OGG1: variants seen among roughly 807,000 people sequenced by gnomAD.
OGG1 encodes N-glycosylase/DNA lyase.
OGG1 carries 35 observed loss-of-function variants against 42.3 expected under a neutral mutation model. The observed-to-expected ratio is 0.83, with a 90% CI of 0.63 to 1.10. The LOEUF (loss-of-function observed/expected upper bound fraction) is 1.10, where lower values mean the gene tolerates loss of function less well. OGG1 is among the 50% of genes least tolerant of loss of function. The probability of loss-of-function intolerance (pLI) is 0.00; values close to 1 mark genes in which losing one functional copy is unlikely to be tolerated. For missense variants in OGG1, 484 were observed against 446.7 expected (o/e 1.08, Z -0.75); for synonymous variants, 189 against 179.0 (o/e 1.06, Z -0.44).
chr3:9,767,871 A>G (rs1489434950), downstream of OGG1: 2 of 1,459,424 alleles, frequency 1.4e-6, no homozygotes, highest in Admixed American at 4.7e-5. Context: ...TTCAACCTGC[A>G]TTTATTCATC....
intron 3 of OGG1, chr3:9,785,201 G>A: frequency 1.4e-6 from 1 of 720,708 alleles, no homozygotes; most frequent in Non-Finnish European, 2.4e-6. Context: ...ACTGCTATTA[G>A]GCTTCACCTA....
downstream of OGG1, chr3:9,759,719 C>T (rs1239297463): frequency 4.3e-6 from 7 of 1,614,196 alleles, no homozygotes; most frequent in Non-Finnish European, 5.9e-6. Flanking sequence ...TCTCTGGGTC[C>T]TTCTCCATCA....
chr3:9,779,604 A>G (rs1364684724), intron 2 of OGG1, among the ~76,000 whole-genome samples: 1 of 152,074 alleles, frequency 6.6e-6, no homozygotes, highest in Non-Finnish European at 1.5e-5. Context: ...ATGTATACAT[A>G]TGTAACAAAC....
At chr3:9,764,543 C>G (rs561256160) in intron 7 of OGG1, among the ~76,000 whole-genome samples, 149 of 151,062 alleles carry the variant, frequency 9.9e-4, no homozygotes, top group African/African-American at 3.4e-3. Context: ...AACTCCCCAC[C>G]TCAGGTGATC....
intron 3 of OGG1, among the ~76,000 whole-genome samples, chr3:9,784,965 C>T (rs777233591): frequency 6.6e-6 from 1 of 152,124 alleles, no homozygotes; most frequent in South Asian, 2.1e-4. Context: ...CCACTTGTCA[C>T]TCTATAATTT....
chr3:9,769,471 C>A (rs932675712), downstream of OGG1, among the ~76,000 whole-genome samples: 4 of 151,978 alleles, frequency 2.6e-5, no homozygotes, highest in Non-Finnish European at 2.9e-5. Flanking sequence ...GAACAAAAAA[C>A]ACACAGATTC....
At chr3:9,774,573 A>C (rs1359146496) in intron 2 of OGG1, among the ~76,000 whole-genome samples, 1 of 152,260 alleles carries the variant, frequency 6.6e-6, no homozygotes, top group Admixed American at 6.5e-5. Flanking sequence ...TATTTATTAT[A>C]TAAACAGCAC....
Position 9,780,789 on chromosome 3 carries a change from G to A in OGG1, c.295-724G>A, listed in dbSNP as rs535315770. 9.2e-5 allele frequency among the ~76,000 whole-genome samples: 14 copies of A among 152,280 alleles called. No homozygotes were observed. In the South Asian group the frequency reaches 1.2e-3, roughly 14 times the overall value. On this transcript the variant is annotated intron_variant, in intron 2 of 3. Transcript: ENST00000426518. ...TGCACATGTGGGGACAGGGAGATAC[G>A]GGAATTCTCTGTACCTTTCTCTCAA...
intron 2 of OGG1, chr3:9,780,497 C>T: frequency 6.2e-7 from 1 of 1,609,066 alleles, no homozygotes. Context: ...TCGTTGTCAG[C>T]CATGCGCACC....
chr3:9,766,100 G>C (rs141589442), exon 8 of OGG1: 4 of 1,463,706 alleles, frequency 2.7e-6, no homozygotes, highest in Non-Finnish European at 3.8e-6. Context: ...CACAGTAATT[G>C]GTCATGTGAT....
At chr3:9,781,517 T>C in exon 3 of OGG1, 1 of 456,452 alleles carries the variant, frequency 2.2e-6, no homozygotes, top group Admixed American at 2.3e-5. Flanking sequence ...TTTCAGGTGT[T>C]CCGGTGCCAG....
chr3:9,787,205 T>C, intron 3 of OGG1: 1 of 1,614,208 alleles, frequency 6.2e-7, no homozygotes, highest in South Asian at 1.1e-5. Flanking sequence ...CTACCTTTAG[T>C]GTCCAGTTCG....
At chr3:9,778,613 G>T (rs963725315) in intron 2 of OGG1, among the ~76,000 whole-genome samples, 3 of 152,168 alleles carry the variant, frequency 2.0e-5, no homozygotes, top group Non-Finnish European at 4.4e-5. Flanking sequence ...GAGGAGAGCA[G>T]GTCACTGGGG....
intron 3 of OGG1, among the ~76,000 whole-genome samples, chr3:9,786,083 C>T (rs1167659976): frequency 2.6e-5 from 4 of 152,098 alleles, no homozygotes; most frequent in Non-Finnish European, 2.9e-5. Context: ...GGACTACAGG[C>T]GCCTGCCACT....
downstream of OGG1, among the ~76,000 whole-genome samples, chr3:9,771,460 A>C (rs368906099): frequency 7.9e-5 from 12 of 152,296 alleles, no homozygotes; most frequent in East Asian, 3.9e-4. Context: ...GGGAATATTG[A>C]AGATTGACTC....
At chr3:9,769,498 T>G (rs944627940), downstream of OGG1, among the ~76,000 whole-genome samples, 1 of 152,056 alleles carries the variant, frequency 6.6e-6, no homozygotes, top group African/African-American at 2.4e-5. Flanking sequence ...CCTCCACCCA[T>G]GTCTGACCCA....
intron 2 of OGG1, among the ~76,000 whole-genome samples, chr3:9,775,126 G>C (rs1031713320): frequency 2.6e-5 from 4 of 152,094 alleles, no homozygotes; most frequent in Non-Finnish European, 4.4e-5. Context: ...TGTAACCCCA[G>C]CTACTCGGGA....
At position 9,750,417 on chromosome 3, in the gene OGG1, C is replaced by G; in HGVS notation, c.131C>G (p.Ser44Cys). ...GACCTGGTTCTGCCTTCTGGACAAT[C>G]TTTCCGGTGAGTGACTGAGCCTGAG... ...RLDLVLPSGQ[S>C]FRWREQSPAH... The change falls in exon 1 of 7, where the codon TCT becomes TGT. Residue 44 changes from serine to cysteine, a missense_variant. By Grantham distance (112) the Ser-to-Cys change is moderately radical. Transcript: ENST00000344629. 2 of 1,613,954 alleles carry G rather than the reference C, an allele frequency of 1.2e-6. No homozygotes were observed. Among genetic ancestry groups the G allele is most frequent in the Non-Finnish European group, 1.7e-6 (2 of 1,180,034 alleles).
intron 2 of OGG1, among the ~76,000 whole-genome samples, chr3:9,778,138 G>A (rs1309775366): frequency 1.3e-5 from 2 of 152,176 alleles, no homozygotes; most frequent in African/African-American, 4.8e-5. Context: ...CATAATATTA[G>A]GTAGTTGAAT....
Sources: gnomAD v4.1 joint callset for allele counts (sites outside exome capture counted in the v4.1 genomes callset) on GRCh38, gnomAD v4.1.1 for gene constraint, MANE v1.5 for transcripts, NCBI Gene and HGNC (gene_info 2026-07-23, HGNC 2026-07-21) for gene names.